The following OTUD7A variants were observed in gnomAD, a reference collection of about 807,000 sequenced individuals.
The protein encoded by OTUD7A is OTU domain-containing protein 7A.
In OTUD7A, 12 loss-of-function variants were observed where a neutral mutation model predicts 65.7. The observed-to-expected ratio is 0.18, with a 90% confidence interval of 0.12 to 0.30. The LOEUF (loss-of-function observed/expected upper bound fraction) is 0.30, where lower values mean the gene tolerates loss of function less well. Ranked by LOEUF, OTUD7A falls within the 10% of genes least tolerant of loss-of-function variation. The pLI, the probability that OTUD7A is intolerant of heterozygous loss-of-function variation, is 1.00. For missense variants in OTUD7A, 1,148 were observed against 1,304.8 expected, an observed-to-expected ratio of 0.88 and a Z score of 1.85; for synonymous variants, 641 against 586.3, an observed-to-expected ratio of 1.09 and a Z score of -1.35.
chr15:31,765,590 T>TCA (rs1895075430), intron 1 of OTUD7A, among the ~76,000 whole-genome samples: 1 of 152,222 alleles, frequency 6.6e-6, no homozygotes, highest in African/African-American at 2.4e-5. Context: ...CCTAGGAGTC[T>TCA]CACATTGATA....
chr15:31,651,572 A>AACACACAC (rs60554390), intron 3 of OTUD7A, among the ~76,000 whole-genome samples: 23 of 140,894 alleles, frequency 1.6e-4, no homozygotes, highest in Admixed American at 5.6e-4. Context: ...AATCCCAAGG[A>AACACACAC]ACACACACAC....
chr15:31,867,151 C>A (rs994668652), intron 1 of OTUD7A, among the ~76,000 whole-genome samples: 3 of 152,072 alleles, frequency 2.0e-5, no homozygotes, highest in African/African-American at 4.8e-5. Context: ...TCAGTCCCTG[C>A]GAGGAAAAGT....
At chr15:31,670,959 C>A (rs934723656) in intron 1 of OTUD7A, among the ~76,000 whole-genome samples, 1 of 151,772 alleles carries the variant, frequency 6.6e-6, no homozygotes, top group Admixed American at 6.6e-5. Context: ...TGCACCACTG[C>A]ACTCCAGCCT....
chr15:31,821,239 G>A (rs1473032087), intron 1 of OTUD7A, among the ~76,000 whole-genome samples: 4 of 146,916 alleles, frequency 2.7e-5, no homozygotes, highest in Non-Finnish European at 6.0e-5. Flanking sequence ...GGGTTCAAGC[G>A]ATTCTCCTGC....
At chr15:31,545,539 T>C (rs899490458) in intron 5 of OTUD7A, among the ~76,000 whole-genome samples, 2 of 152,092 alleles carry the variant, frequency 1.3e-5, no homozygotes, top group Non-Finnish European at 2.9e-5. Flanking sequence ...ATCTAGAATG[T>C]ATAAATAATT....
At chr15:31,689,399 A>G (rs1892912945) in intron 1 of OTUD7A, 1 of 150,708 alleles carries the variant, frequency 6.6e-6, no homozygotes, top group Admixed American at 6.6e-5. Flanking sequence ...GCAGTCAGGC[A>G]TGCAGGCCAA....
intron 8 of OTUD7A, among the ~76,000 whole-genome samples, chr15:31,510,082 G>GTT (rs35393343): frequency 6.7e-5 from 8 of 119,924 alleles, no homozygotes; most frequent in African/African-American, 2.1e-4. Flanking sequence ...TGTTTCCCCT[G>GTT]TTTTTTTTTT....
chr15:31,655,577 C>A (rs889303271), intron 2 of OTUD7A, among the ~76,000 whole-genome samples: 6 of 152,036 alleles, frequency 3.9e-5, no homozygotes, highest in Non-Finnish European at 7.4e-5. Flanking sequence ...ATCTATGAAG[C>A]AGGAAATGGG....
intron 1 of OTUD7A, among the ~76,000 whole-genome samples, chr15:31,682,540 G>A (rs1040250010): frequency 2.0e-5 from 3 of 152,172 alleles, no homozygotes; most frequent in Admixed American, 6.5e-5. Flanking sequence ...GGATAGACAC[G>A]TTTACTACTA....
At chr15:31,752,785 T>C (rs1894672901) in intron 1 of OTUD7A, among the ~76,000 whole-genome samples, 1 of 152,134 alleles carries the variant, frequency 6.6e-6, no homozygotes, top group Admixed American at 6.6e-5. Flanking sequence ...CTGAGAGACT[T>C]ACCCTCATCA....
rs141398720 is a variant in OTUD7A, at chr15:31,755,003, CAGAG to C, written c.-99-97930_-99-97927del. Among the ~76,000 whole-genome samples, 63 of 147,414 alleles carry C rather than the reference CAGAG, an allele frequency of 4.3e-4. No homozygotes were observed. The East Asian group carries it at 7.3e-3, about 17-fold the overall frequency. ...AGGAAGACGAAGAGAGTGAGAGAGA[CAGAG>C]AGAGAGAGAGAGATGGTGTGTGTGT... On this transcript the variant is annotated intron_variant, in intron 1 of 12. Transcript: ENST00000307050.
At chr15:31,745,567 A>T (rs1894453796) in intron 1 of OTUD7A, among the ~76,000 whole-genome samples, 1 of 152,160 alleles carries the variant, frequency 6.6e-6, no homozygotes, top group African/African-American at 2.4e-5. Flanking sequence ...TAAACATTAA[A>T]CCTACAACTA....
rs1469452837 is a variant in OTUD7A, at chr15:31,483,681, C to A, written c.2415G>T (p.Pro805=). 17 of 1,164,678 alleles carry A rather than the reference C, an allele frequency of 1.5e-5. No individual in the cohort carries two copies. The highest frequency in any genetic ancestry group is 1.8e-5 in the Non-Finnish European group (17 of 946,622). 72.1% of individuals were successfully genotyped at this position (1,164,678 alleles called of 1,614,324 possible). ...GCGACGACAGCGAGCGGTTCTGCTG[C>A]GGGTACGTGGCGCACGGCCGCAGCG... The part of the protein sequence containing the change: ...VGALRPCATY[P]QQNRSLSSQS... Residue 805 remains proline (P), a synonymous_variant, in exon 13 of 13, where the codon CCG becomes CCT. Transcript: ENST00000307050.
chr15:31,828,628 T>C (rs1203929508), intron 1 of OTUD7A, among the ~76,000 whole-genome samples: 9 of 152,226 alleles, frequency 5.9e-5, no homozygotes, highest in Non-Finnish European at 1.3e-4. Flanking sequence ...AAGGACAGTA[T>C]GGAGAAAACG....
intron 1 of OTUD7A, among the ~76,000 whole-genome samples, chr15:31,846,792 T>C (rs907451700): frequency 1.3e-5 from 2 of 152,208 alleles, no homozygotes; most frequent in African/African-American, 4.8e-5. Context: ...TTAGCATATA[T>C]GATTATTTAC....
intron 1 of OTUD7A, among the ~76,000 whole-genome samples, chr15:31,661,584 T>C (rs1342710233): frequency 1.3e-5 from 2 of 152,260 alleles, no homozygotes; most frequent in Admixed American, 1.3e-4. Context: ...ACCATGCTTC[T>C]TCTCTATCTC....
At chr15:31,590,495 T>G (rs1889689971) in intron 3 of OTUD7A, among the ~76,000 whole-genome samples, 1 of 152,144 alleles carries the variant, frequency 6.6e-6, no homozygotes, top group Admixed American at 6.5e-5. Flanking sequence ...TATATCATCA[T>G]TCATCACGTG....
intron 1 of OTUD7A, among the ~76,000 whole-genome samples, chr15:31,808,098 A>AAAACACAC (rs1896318248): frequency 1.0e-5 from 1 of 95,800 alleles, no homozygotes; most frequent in Non-Finnish European, 2.3e-5. Flanking sequence ...ACAAATGCCA[A>AAAACACAC]ACACACACAC....
At position 31,655,041 on chromosome 15, in the gene OTUD7A, T is replaced by C. The variant is rs190718741; in HGVS notation, c.151+55A>G. The C allele has an allele frequency of 1.1e-5, 17 of 1,575,888 alleles. No homozygotes were observed. The African/African-American group carries it at 2.0e-4, about 19-fold the overall frequency. On this transcript the variant is annotated intron_variant, in intron 3 of 12. Coordinates refer to ENST00000307050, the MANE Select transcript of OTUD7A (RefSeq NM_001382637.1). ...CATCAGGTATTGGAAATCTTCTTAT[T>C]TGGAAGGTGGTTATGCCCAGAATGG...
Sources: allele counts gnomAD v4.1 joint callset (sites outside exome capture counted in the v4.1 genomes callset), GRCh38; gene constraint gnomAD v4.1.1; transcripts MANE v1.5; gene names NCBI Gene and HGNC (gene_info 2026-07-23, HGNC 2026-07-21).